The following PKNOX2 variants were observed in gnomAD, a reference collection of about 807,000 sequenced individuals.
PKNOX2 encodes the protein homeobox protein PKNOX2.
Under a neutral mutation model 53.1 loss-of-function variants are expected in PKNOX2, and 14 were observed. The observed-to-expected ratio is 0.26, with a 90% CI of 0.17 to 0.41. The LOEUF (loss-of-function observed/expected upper bound fraction) is 0.41. Among genes scored for constraint, PKNOX2 ranks in the 10% least tolerant of loss-of-function variants. The pLI is 1.00. For synonymous variants in PKNOX2, 257 were observed against 242.8 expected, an observed-to-expected ratio of 1.06 and a Z score of -0.54; for missense variants, 496 against 602.8, an observed-to-expected ratio of 0.82 and a Z score of 1.85.
chr11:125,342,432 C>A (rs968364966), intron 3 of PKNOX2, among the ~76,000 whole-genome samples: 1 of 152,150 alleles, frequency 6.6e-6, no homozygotes, highest in African/African-American at 2.4e-5. Flanking sequence ...CCTCCTCCCC[C>A]CAGCTCCCAG....
At chr11:125,386,956 G>A (rs548992378) in intron 6 of PKNOX2, among the ~76,000 whole-genome samples, 77 of 152,284 alleles carry the variant, frequency 5.1e-4, no homozygotes, top group Non-Finnish European at 7.8e-4. Flanking sequence ...GAGGATAAGG[G>A]CTCGCTTGCT....
At chr11:125,358,270 ATG>A (rs1951730048) in intron 4 of PKNOX2, among the ~76,000 whole-genome samples, 2 of 152,348 alleles carry the variant, frequency 1.3e-5, no homozygotes, top group South Asian at 4.1e-4. Context: ...ACACACATAG[ATG>A]TGCACACACA....
At chr11:125,358,158 C>T (rs1307851651) in intron 4 of PKNOX2, among the ~76,000 whole-genome samples, 1 of 152,200 alleles carries the variant, frequency 6.6e-6, no homozygotes, top group East Asian at 1.9e-4. Context: ...TGCACATCTC[C>T]AGCAGCCCAG....
intron 2 of PKNOX2, among the ~76,000 whole-genome samples, chr11:125,279,005 C>G (rs1267118470): frequency 6.6e-6 from 1 of 152,198 alleles, no homozygotes; most frequent in Non-Finnish European, 1.5e-5. Context: ...TATGGTCTGG[C>G]TGTACCTATT....
At chr11:125,342,503 C>G (rs80091916) in intron 3 of PKNOX2, among the ~76,000 whole-genome samples, 1 of 152,006 alleles carries the variant, frequency 6.6e-6, no homozygotes, top group Non-Finnish European at 1.5e-5. Context: ...GGTGGGAGCC[C>G]GAGAGGGCTG....
intron 4 of PKNOX2, among the ~76,000 whole-genome samples, chr11:125,365,050 A>G (rs1296389755): frequency 6.6e-6 from 1 of 152,112 alleles, no homozygotes; most frequent in Admixed American, 6.5e-5. Context: ...TTATAGATCA[A>G]ATGCATTGCT....
In PKNOX2 at chr11:125,250,786, T is replaced by TA. The variant is rs539686765; in HGVS notation, c.-130+15672dup. ...TTTCACACAACATAGATGGAGCACT[T>TA]ACAGCTCTCACAGTCTGCCTCCCTT... is the stretch of plus-strand genomic sequence containing the variant. On this transcript the variant is annotated intron_variant, in intron 2 of 12. Transcript: ENST00000298282. Among the ~76,000 whole-genome samples, 185 of 152,342 alleles carry TA rather than the reference T, an allele frequency of 1.2e-3. 1 individual carries two copies. The highest frequency in any genetic ancestry group is 3.9e-3 in the African/African-American group (163 of 41,598).
At chr11:125,404,429 G>T (rs562247483) in intron 7 of PKNOX2, among the ~76,000 whole-genome samples, 1 of 152,210 alleles carries the variant, frequency 6.6e-6, no homozygotes. Context: ...AGTGGAACAA[G>T]AACAGGATTA....
rs190154475 is a variant in PKNOX2, at chr11:125,265,112, C to A, written c.-130+29997C>A. 1.7e-3 allele frequency among the ~76,000 whole-genome samples: 254 copies of A among 152,248 alleles called. 1 individual carries two copies. The highest frequency in any genetic ancestry group is 0.012 in the Admixed American group (185 of 15,300). ...GACCATCCTGGCTAACACGGTGAAACCCCATCTCTACTAAAAATACAAAAA... is the reference window on the plus strand; with the variant it reads ...GACCATCCTGGCTAACACGGTGAAAACCCATCTCTACTAAAAATACAAAAA... On this transcript the variant is annotated intron_variant, in intron 2 of 12. Coordinates refer to ENST00000298282, the MANE Select transcript of PKNOX2 (RefSeq NM_001382323.2).
At chr11:125,393,199 C>CAACTTG (rs930464233) in intron 6 of PKNOX2, among the ~76,000 whole-genome samples, 16 of 149,400 alleles carry the variant, frequency 1.1e-4, no homozygotes, top group African/African-American at 3.9e-4. Context: ...GTTAATTGAA[C>CAACTTG]AACTTGTTCA....
intron 2 of PKNOX2, among the ~76,000 whole-genome samples, chr11:125,305,571 A>C (rs1382352369): frequency 6.6e-6 from 1 of 152,080 alleles, no homozygotes; most frequent in Non-Finnish European, 1.5e-5. Flanking sequence ...GCTGGAGGGG[A>C]GCCACTCAGC....
chr11:125,187,281 A>G (rs560826721), intron 1 of PKNOX2, among the ~76,000 whole-genome samples: 2 of 152,008 alleles, frequency 1.3e-5, no homozygotes, highest in East Asian at 3.9e-4. Flanking sequence ...ATTTCTTTGA[A>G]TCTGCAGATT....
At chr11:125,430,720 G>A (rs1383144471) in intron 12 of PKNOX2, among the ~76,000 whole-genome samples, 1 of 151,618 alleles carries the variant, frequency 6.6e-6, no homozygotes, top group East Asian at 1.9e-4. Context: ...GTTGTGCACA[G>A]GTTCCTTTGT....
chr11:125,203,894 A>G (rs1354326097), intron 1 of PKNOX2, among the ~76,000 whole-genome samples: 1 of 152,156 alleles, frequency 6.6e-6, no homozygotes, highest in Non-Finnish European at 1.5e-5. Context: ...GTCTTGTGTT[A>G]GCTCATTCTT....
chr11:125,167,038 G>A (rs1348887189), intron 1 of PKNOX2, among the ~76,000 whole-genome samples: 1 of 152,080 alleles, frequency 6.6e-6, no homozygotes, highest in Non-Finnish European at 1.5e-5. Context: ...GGACCTTGGT[G>A]GAAGCGGGGA....
At chr11:125,421,552 T>C (rs1321917092) in intron 10 of PKNOX2, among the ~76,000 whole-genome samples, 1 of 152,250 alleles carries the variant, frequency 6.6e-6, no homozygotes. Context: ...ACTTCTCTGA[T>C]ATTGCTTTCC....
At chr11:125,324,712 G>C (rs1028619351) in intron 2 of PKNOX2, among the ~76,000 whole-genome samples, 2 of 152,216 alleles carry the variant, frequency 1.3e-5, no homozygotes, top group South Asian at 2.1e-4. Context: ...GAGATGGAAA[G>C]GAAGAAAATG....
At position 125,231,740 on chromosome 11, in the gene PKNOX2, G is replaced by GGA. The variant is rs138483734; in HGVS notation, c.-200-3294_-200-3293dup. The stretch of plus-strand genomic sequence containing the variant: ...GTGTGGGGGGTGTGTGTGTGTGTGT[G>GGA]GAGAGAGAGAGAAAATGATGCTCCG... On this transcript the variant is annotated intron_variant, in intron 1 of 12. Transcript: ENST00000298282. Among the ~76,000 whole-genome samples, 14 of 151,948 alleles carry GGA rather than the reference G, an allele frequency of 9.2e-5. 1 individual carries two copies. Among genetic ancestry groups the GGA allele is most frequent in the African/African-American group, 3.1e-4 (13 of 41,278 alleles).
At chr11:125,266,698 C>G (rs1459493224) in intron 2 of PKNOX2, 3 of 152,262 alleles carry the variant, frequency 2.0e-5, no homozygotes, top group Non-Finnish European at 4.4e-5. Flanking sequence ...CCCTCTCACT[C>G]TGCGTGTGCA....
Sources: gnomAD v4.1 joint callset for allele counts (sites outside exome capture counted in the v4.1 genomes callset) on GRCh38, gnomAD v4.1.1 for gene constraint, MANE v1.5 for transcripts, NCBI Gene and HGNC (gene_info 2026-07-23, HGNC 2026-07-21) for gene names.